Variants in CAND2 observed in about 807,000 individuals in gnomAD.
The protein encoded by CAND2 is cullin associated and neddylation dissociated 2 (putative).
In CAND2, 62 loss-of-function variants were observed where a neutral mutation model predicts 98.9. The observed-to-expected ratio is 0.63, with a 90% CI of 0.51 to 0.77. CAND2 has a LOEUF of 0.77. CAND2 is among the 30% of genes least tolerant of loss of function. The pLI is 0.00. For synonymous variants in CAND2, 770 were observed against 731.9 expected, an observed-to-expected ratio of 1.05 and a Z score of -0.84; for missense variants, 1,501 against 1,655.2, an observed-to-expected ratio of 0.91 and a Z score of 1.62.
intron 14 of CAND2, 39 bp downstream of exon 14, chr3:12,831,611 A>AGG (rs755443105): frequency 2.1e-6 from 3 of 1,414,670 alleles, no homozygotes; most frequent in East Asian, 2.3e-5. Context: ...GCCCTGGAGC[A>AGG]CCTATGGAGT....
intron 3 of CAND2, 24 bp from the exon 4 acceptor site, chr3:12,808,186 G>A (rs1364585735): frequency 1.3e-6 from 2 of 1,550,062 alleles, no homozygotes; most frequent in Non-Finnish European, 8.7e-7. Context: ...GGGCCTCACT[G>A]TGCCCACCTT....
intron 13 of CAND2, among the ~76,000 whole-genome samples, chr3:12,830,675 T>C (rs2062045716): frequency 6.6e-6 from 1 of 152,196 alleles, no homozygotes; most frequent in Non-Finnish European, 1.5e-5. Flanking sequence ...CTTTGCGTCA[T>C]CAAGTCTTCA....
chr3:12,810,520 C>CT (rs978535360), intron 5 of CAND2, among the ~76,000 whole-genome samples, 196 bp downstream of exon 5: 2 of 152,164 alleles, frequency 1.3e-5, no homozygotes, highest in African/African-American at 4.8e-5. Flanking sequence ...GCTGAAGCCC[C>CT]TGAAACGCAG....
At chr3:12,810,430 C>T in intron 5 of CAND2, 106 bp downstream of exon 5, 2 of 1,024,782 alleles carry the variant, frequency 2.0e-6, no homozygotes, top group South Asian at 4.0e-5. Context: ...CAGCCAGGGC[C>T]TAAGGGTGGG....
At chr3:12,816,072 CT>C (rs2061896771) in intron 9 of CAND2, 64 bp downstream of exon 9, 2 of 1,510,278 alleles carry the variant, frequency 1.3e-6, no homozygotes, top group African/African-American at 2.7e-5. Context: ...GACCCCACCC[CT>C]GAGTTGAGCC....
chr3:12,824,241 A>C (rs1310275086), intron 11 of CAND2, among the ~76,000 whole-genome samples: 1 of 152,248 alleles, frequency 6.6e-6, no homozygotes, highest in Non-Finnish European at 1.5e-5. Flanking sequence ...TATAATAAAA[A>C]AATTTTTTTT....
At chr3:12,823,287 G>GTTTGTTTGTTT (rs55809732) in intron 11 of CAND2, among the ~76,000 whole-genome samples, 5 of 151,536 alleles carry the variant, frequency 3.3e-5, no homozygotes, top group South Asian at 2.1e-4. Flanking sequence ...AGTTTTTGTT[G>GTTTGTTTGTTT]GTTTGTTTTT....
chr3:12,831,410 T>TG (rs1374160628), intron 13 of CAND2, 55 bp from the exon 14 acceptor site: 4 of 1,434,902 alleles, frequency 2.8e-6, no homozygotes, highest in Middle Eastern at 3.5e-4. Flanking sequence ...CAGGGCTGGC[T>TG]GCTGCTCTTG....
intron 1 of CAND2, among the ~76,000 whole-genome samples, chr3:12,803,076 G>A (rs1035805634): frequency 1.4e-5 from 2 of 142,496 alleles, no homozygotes; most frequent in Admixed American, 7.6e-5. Context: ...TGCAAGCTCC[G>A]CCTCCCGGGT....
In CAND2 at chr3:12,803,764, G is replaced by A. The variant is rs536240321; in HGVS notation, c.212+133G>A. On this transcript the variant is annotated intron_variant, in intron 2 of 14. Transcript: ENST00000456430. ...GCAGCTCTCGTTGAATGGTACCTTA[G>A]TCTGAGTTTTCCCAGAAGATGCTGA... 4.2e-5 allele frequency: 30 copies of A among 718,156 alleles called. No individual in the cohort carries two copies. In the East Asian group the frequency reaches 8.7e-4, roughly 21 times the overall value. The allele number at this position is 718,156 out of a possible 1,614,324, so 44.5% of individuals were successfully genotyped here.
chr3:12,804,118 A>G (rs2124836821), intron 2 of CAND2, among the ~76,000 whole-genome samples: 1 of 152,202 alleles, frequency 6.6e-6, no homozygotes. Flanking sequence ...CCTCAGACAG[A>G]TGTAAATGCT....
chr3:12,796,770 C>T lies in CAND2; in HGVS notation c.50C>T (p.Ser17Phe). 3.8e-6 allele frequency: 6 copies of T among 1,589,418 alleles called. No homozygotes were observed. Among genetic ancestry groups the T allele is most frequent in the Non-Finnish European group, 5.1e-6 (6 of 1,167,494 alleles). Residue 17 changes from serine (S) to phenylalanine (F), a missense_variant, in exon 1 of 15, where the codon TCC becomes TTC. This residue lies in a region of CAND2 where 62 missense variants were observed against 77.3 expected (regional missense o/e 0.80). Transcript: ENST00000456430. ...TCCAGCCTCCTGGAGAAGATGACGT[C>T]CAGCGACAAGGACTTCAGGTGCAGC... ...HISSLLEKMT[S>F]SDKDFRFMAT...
Position 12,810,309 on chromosome 3 carries a change from G to A in CAND2, c.742G>A (p.Ala248Thr). The part of the protein sequence containing the change: ...IQCLGSVGRQ[A>T]GHRLGAHLDR... The stretch of plus-strand genomic sequence containing the variant: ...ATGTTTGGGCAGCGTCGGCCGCCAG[G>A]CCGGCCACCGCCTCGGTAAGGGGGC... The change falls in exon 5 of 15, where the codon GCC (alanine) becomes ACC (threonine). Residue 248 changes from alanine to threonine, a missense_variant. Coordinates refer to ENST00000456430, the MANE Select transcript of CAND2 (RefSeq NM_001162499.2). 1 of 1,457,294 alleles carries A rather than the reference G, an allele frequency of 6.9e-7. No individual in the cohort carries two copies. The highest frequency in any genetic ancestry group is 9.1e-7 in the Non-Finnish European group (1 of 1,104,814). The allele number at this position is 1,457,294 out of a possible 1,614,324, so 90.3% of individuals were successfully genotyped here.
At chr3:12,808,722 G>A (rs2061826483) in intron 4 of CAND2, among the ~76,000 whole-genome samples, 1 of 152,206 alleles carries the variant, frequency 6.6e-6, no homozygotes, top group African/African-American at 2.4e-5. Flanking sequence ...CAGTCCAGCT[G>A]GGAGTGAGGA....
At chr3:12,808,060 C>A in intron 3 of CAND2, 150 bp from the exon 4 acceptor site, 1 of 1,049,390 alleles carries the variant, frequency 9.5e-7, no homozygotes, top group Non-Finnish European at 1.4e-6. Flanking sequence ...TTTGGCCAGA[C>A]TCTGGGTCAA....
chr3:12,825,944 A>G (rs1487852237), intron 12 of CAND2, among the ~76,000 whole-genome samples: 1 of 152,202 alleles, frequency 6.6e-6, no homozygotes, highest in Non-Finnish European at 1.5e-5. Context: ...AGCGCTCAGT[A>G]AATGTTGATG....
At chr3:12,826,006 G>C (rs1053258491) in intron 12 of CAND2, among the ~76,000 whole-genome samples, 5 of 152,216 alleles carry the variant, frequency 3.3e-5, no homozygotes, top group Admixed American at 2.6e-4. Context: ...CCAGGACTCA[G>C]AGTTGGGCCT....
chr3:12,828,505 A>G (rs2062022037), intron 13 of CAND2, among the ~76,000 whole-genome samples: 1 of 151,468 alleles, frequency 6.6e-6, no homozygotes, highest in Admixed American at 6.6e-5. Flanking sequence ...ACTCAGCTAA[A>G]TTTTTTTTGT....
At chr3:12,814,727 A>G (rs1343713825) in intron 7 of CAND2, among the ~76,000 whole-genome samples, 1 of 152,150 alleles carries the variant, frequency 6.6e-6, no homozygotes, top group Non-Finnish European at 1.5e-5. Context: ...CTCCAAGTCT[A>G]CATGAAGACT....
Sources: gnomAD v4.1 joint callset for allele counts (sites outside exome capture counted in the v4.1 genomes callset) on GRCh38, gnomAD v4.1.1 for gene constraint, gnomAD v4.1.1 regional missense constraint, MANE v1.5 for transcripts, NCBI Gene and HGNC (gene_info 2026-07-23, HGNC 2026-07-21) for gene names.